Variants in SEMA5B observed in about 807,000 individuals in gnomAD.
SEMA5B encodes semaphorin-5B.
Under a neutral mutation model 135.0 loss-of-function variants are expected in SEMA5B, and 66 were observed. The observed-to-expected ratio is 0.49, with a 90% confidence interval of 0.40 to 0.60. The LOEUF (loss-of-function observed/expected upper bound fraction) is 0.60, where lower values mean the gene tolerates loss of function less well. SEMA5B is among the 20% of genes least tolerant of loss of function. The pLI, the probability that SEMA5B is intolerant of heterozygous loss-of-function variation, is 0.00. For missense variants in SEMA5B, 1,501 were observed against 1,566.3 expected (o/e 0.96, Z 0.70); for synonymous variants, 690 against 639.5 (o/e 1.08, Z -1.19).
In SEMA5B at chr3:122,975,874, G is replaced by A. The variant is rs142156891; in HGVS notation, c.-38-14573C>T. The A allele has an allele frequency of 4.3e-5, 56 of 1,291,322 alleles. No homozygotes were observed. The East Asian group carries it at 1.1e-3, about 24-fold the overall frequency. The allele number at this position is 1,291,322 out of a possible 1,614,324, so 80.0% of individuals were successfully genotyped here. A position where few individuals can be genotyped will look rare whatever the true frequency, so the allele number is the denominator to read the frequency against. On this transcript the variant is annotated intron_variant, in intron 1 of 22. Transcript: ENST00000357599. ...CTACACAACCAAATCCAAACACCCT[G>A]CATAGCAAGGACTCTCCATCTGCCT...
chr3:122,938,878 A>G (rs750528969), intron 5 of SEMA5B, among the ~76,000 whole-genome samples: 2 of 152,230 alleles, frequency 1.3e-5, no homozygotes, highest in Non-Finnish European at 2.9e-5. Context: ...CACTTAGGGA[A>G]TTATGCTTGG....
chr3:122,935,248 T>C (rs1044945406), intron 5 of SEMA5B, among the ~76,000 whole-genome samples: 2 of 152,016 alleles, frequency 1.3e-5, no homozygotes, highest in Admixed American at 6.6e-5. Context: ...ATTCTAAAAG[T>C]CTGGTCTCTG....
At position 122,940,713 on chromosome 3, in the gene SEMA5B, G is replaced by A. The variant is rs577278982; in HGVS notation, c.429-1243C>T. 3.9e-5 allele frequency among the ~76,000 whole-genome samples: 6 copies of A among 152,324 alleles called. No individual in the cohort carries two copies. The East Asian group carries it at 1.2e-3, about 29-fold the overall frequency. On this transcript the variant is annotated intron_variant, in intron 4 of 22. Coordinates refer to ENST00000357599, the MANE Select transcript of SEMA5B (RefSeq NM_001031702.4). ...CTTCTCTTCCCAGCTCTGGCTCCAG[G>A]CCCAGGCCCCACTCATCTTCTTTGC...
intron 2 of SEMA5B, among the ~76,000 whole-genome samples, chr3:122,954,419 T>TG (rs1218388897): frequency 2.0e-5 from 3 of 152,266 alleles, no homozygotes; most frequent in African/African-American, 7.2e-5. Context: ...TTAATCCCGT[T>TG]GGAGTTGTGT....
chr3:122,992,493 T>G (rs1414098928), intron 1 of SEMA5B, among the ~76,000 whole-genome samples: 1 of 152,136 alleles, frequency 6.6e-6, no homozygotes, highest in Non-Finnish European at 1.5e-5. Context: ...TCCCTCCACA[T>G]GCTTTTAGAC....
intron 2 of SEMA5B, among the ~76,000 whole-genome samples, chr3:122,959,803 G>A (rs1238222246): frequency 6.6e-6 from 1 of 152,200 alleles, no homozygotes; most frequent in African/African-American, 2.4e-5. Context: ...GCACAGATTA[G>A]CATTACAAAT....
chr3:123,007,400 A>G (rs770293119), intron 1 of SEMA5B, among the ~76,000 whole-genome samples: 11 of 152,208 alleles, frequency 7.2e-5, no homozygotes, highest in Non-Finnish European at 1.3e-4. Flanking sequence ...GAGATCTGCT[A>G]AGCACTTCTC....
intron 5 of SEMA5B, among the ~76,000 whole-genome samples, chr3:122,938,837 C>T (rs2107510786): frequency 6.6e-6 from 1 of 152,320 alleles, no homozygotes; most frequent in Middle Eastern, 3.4e-3. Flanking sequence ...ATGTTCTGGA[C>T]CAAGGAGTCC....
rs149018813 is a variant in SEMA5B, at chr3:122,966,524, A to C, written c.-38-5223T>G. 1.0e-3 allele frequency among the ~76,000 whole-genome samples: 147 copies of C among 145,104 alleles called. 5 individuals carry two copies. The East Asian group carries it at 0.028, about 27-fold the overall frequency. ...GAGTGCCAACTCAGCATGGAAATTCATTGTAAGAATGTTTATTATTATTAT... is the reference window on the plus strand; with the variant it reads ...GAGTGCCAACTCAGCATGGAAATTCCTTGTAAGAATGTTTATTATTATTAT... On this transcript the variant is annotated intron_variant, in intron 1 of 22. Coordinates refer to ENST00000357599, the MANE Select transcript of SEMA5B (RefSeq NM_001031702.4).
intron 1 of SEMA5B, among the ~76,000 whole-genome samples, chr3:122,982,656 C>T (rs1229283083): frequency 1.3e-5 from 2 of 152,180 alleles, no homozygotes; most frequent in African/African-American, 4.8e-5. Flanking sequence ...TTTCTAGTCC[C>T]TGCAGCCATG....
At chr3:123,025,504 G>C (rs1383210453) in intron 1 of SEMA5B, among the ~76,000 whole-genome samples, 2 of 152,214 alleles carry the variant, frequency 1.3e-5, no homozygotes, top group Non-Finnish European at 2.9e-5. Flanking sequence ...TGCTTAAACA[G>C]TGTTAGATGT....
At chr3:122,930,685 T>A (rs1485898066) in intron 5 of SEMA5B, among the ~76,000 whole-genome samples, 1 of 151,916 alleles carries the variant, frequency 6.6e-6, no homozygotes, top group Non-Finnish European at 1.5e-5. Context: ...ATAAGAGGAG[T>A]TAAAGTTACG....
intron 1 of SEMA5B, among the ~76,000 whole-genome samples, chr3:122,973,017 C>T (rs1560391293): frequency 1.3e-5 from 2 of 152,186 alleles, no homozygotes; most frequent in East Asian, 1.9e-4. Flanking sequence ...GTGGGAGAAC[C>T]CCTACAGATT....
chr3:122,973,550 T>G (rs1282530488), intron 1 of SEMA5B, among the ~76,000 whole-genome samples: 2 of 152,228 alleles, frequency 1.3e-5, no homozygotes, highest in Admixed American at 1.3e-4. Flanking sequence ...CTGAGGCCAG[T>G]TCATCTGTGA....
intron 1 of SEMA5B, among the ~76,000 whole-genome samples, chr3:123,018,429 A>G (rs1487211633): frequency 6.6e-6 from 1 of 152,214 alleles, no homozygotes; most frequent in Non-Finnish European, 1.5e-5. Flanking sequence ...TTCTTTCACC[A>G]GACCTTTTGT....
At chr3:122,915,697 G>A (rs1427727502) in intron 13 of SEMA5B, 76 bp from the exon 14 acceptor site, 3 of 1,601,700 alleles carry the variant, frequency 1.9e-6, no homozygotes, top group African/African-American at 1.3e-5. Flanking sequence ...TCAGGGGATT[G>A]GGGGAATATT....
intron 1 of SEMA5B, among the ~76,000 whole-genome samples, chr3:122,984,882 A>G (rs1341547785): frequency 6.6e-6 from 1 of 152,232 alleles, no homozygotes; most frequent in Non-Finnish European, 1.5e-5. Context: ...GAAAAATCAC[A>G]GGGGAAAAAA....
At chr3:122,912,485 A>C in intron 18 of SEMA5B, 143 bp from the exon 19 acceptor site, 1 of 773,772 alleles carries the variant, frequency 1.3e-6, no homozygotes, top group Non-Finnish European at 2.0e-6. Flanking sequence ...CCAACAGTCC[A>C]CTGTTAGGGA....
rs568349575 is a variant in SEMA5B, at chr3:122,996,877, A to G, written c.-39+30587T>C. The stretch of plus-strand genomic sequence containing the variant: ...GCAAAGATCCTTCAGCTAGAGATGC[A>G]GGGAGCCCCTGGTTTCTGTCTCCTG... On this transcript the variant is annotated intron_variant, in intron 1 of 22. Coordinates refer to ENST00000357599, the MANE Select transcript of SEMA5B (RefSeq NM_001031702.4). Among the ~76,000 whole-genome samples, 147 of 152,304 alleles carry G rather than the reference A, an allele frequency of 9.7e-4. 1 individual carries two copies. The highest frequency in any genetic ancestry group is 3.5e-3 in the African/African-American group (145 of 41,576).
Sources: allele counts gnomAD v4.1 joint callset (sites outside exome capture counted in the v4.1 genomes callset), GRCh38; gene constraint gnomAD v4.1.1; transcripts MANE v1.5; gene names NCBI Gene and HGNC (gene_info 2026-07-23, HGNC 2026-07-21).